TNR: variants seen among roughly 807,000 people sequenced by gnomAD.
TNR encodes tenascin-R.
Under a neutral mutation model 150.4 loss-of-function variants are expected in TNR, and 45 were observed. That is an observed-to-expected ratio of 0.30 (90% CI 0.24 to 0.38). The LOEUF is 0.38. Among genes scored for constraint, TNR ranks in the 10% least tolerant of loss-of-function variants. TNR has a pLI of 1.00. For missense variants in TNR, 1,544 were observed against 1,759.1 expected (o/e 0.88, Z 2.19); for synonymous variants, 687 against 678.4 (o/e 1.01, Z -0.20).
At chr1:175,647,144 C>A (rs1664832066) in intron 1 of TNR, among the ~76,000 whole-genome samples, 1 of 152,230 alleles carries the variant, frequency 6.6e-6, no homozygotes, top group South Asian at 2.1e-4. Context: ...TTACAGCATC[C>A]TCCAGAAAAA....
intron 4 of TNR, among the ~76,000 whole-genome samples, chr1:175,399,111 A>G (rs1653578446): frequency 6.6e-6 from 1 of 152,212 alleles, no homozygotes; most frequent in African/African-American, 2.4e-5. Context: ...AATAATTCAG[A>G]CGATCTTAAT....
chr1:175,374,734 G>A (rs539036543), intron 9 of TNR, among the ~76,000 whole-genome samples: 2 of 152,332 alleles, frequency 1.3e-5, no homozygotes, highest in East Asian at 3.9e-4. Context: ...GAGGCAGCAG[G>A]TTAGCAAATG....
intron 1 of TNR, among the ~76,000 whole-genome samples, chr1:175,719,738 C>G (rs1317890301): frequency 6.6e-6 from 1 of 152,178 alleles, no homozygotes; most frequent in Non-Finnish European, 1.5e-5. Flanking sequence ...AGCAGAGACC[C>G]CGCTGGGAGA....
At chr1:175,374,531 G>A (rs1571354057) in intron 9 of TNR, among the ~76,000 whole-genome samples, 2 of 152,250 alleles carry the variant, frequency 1.3e-5, no homozygotes, top group Middle Eastern at 3.4e-3. Flanking sequence ...AGAGTCTGTA[G>A]GTGTGTTTGT....
intron 1 of TNR, among the ~76,000 whole-genome samples, chr1:175,557,213 G>A (rs1661195354): frequency 1.3e-5 from 2 of 152,140 alleles, no homozygotes; most frequent in African/African-American, 2.4e-5. Context: ...CACAGTCCTG[G>A]TCAACATCTA....
At chr1:175,516,513 C>T (rs960292153) in intron 2 of TNR, among the ~76,000 whole-genome samples, 4 of 152,120 alleles carry the variant, frequency 2.6e-5, no homozygotes, top group South Asian at 2.1e-4. Flanking sequence ...GAGAAATGAC[C>T]GTGCTCATGA....
At chr1:175,736,015 C>T (rs76487445) in intron 1 of TNR, among the ~76,000 whole-genome samples, 78 of 152,286 alleles carry the variant, frequency 5.1e-4, no homozygotes, top group African/African-American at 1.9e-3. Flanking sequence ...AGGGCCAACC[C>T]AACCCATTAG....
At chr1:175,484,237 C>T (rs1657921327) in intron 2 of TNR, among the ~76,000 whole-genome samples, 1 of 152,160 alleles carries the variant, frequency 6.6e-6, no homozygotes, top group African/African-American at 2.4e-5. Context: ...CTCTCCATTC[C>T]AACCATCCGC....
chr1:175,440,375 T>TG (rs1655727481), intron 2 of TNR, among the ~76,000 whole-genome samples: 1 of 60,686 alleles, frequency 1.6e-5, no homozygotes, highest in African/African-American at 6.7e-5. Flanking sequence ...GGGACTGTTG[T>TG]GGGGTGGCGG....
chr1:175,538,939 G>C (rs1660394813), intron 1 of TNR: 1 of 152,278 alleles, frequency 6.6e-6, no homozygotes, highest in Non-Finnish European at 1.5e-5. Flanking sequence ...CCAAGTGGTG[G>C]ATTTTCAGGA....
intron 1 of TNR, among the ~76,000 whole-genome samples, chr1:175,675,180 T>G (rs1665822088): frequency 6.6e-6 from 1 of 152,252 alleles, no homozygotes; most frequent in Non-Finnish European, 1.5e-5. Flanking sequence ...CTTCTCACTC[T>G]GTCCCATTGT....
intron 2 of TNR, among the ~76,000 whole-genome samples, chr1:175,503,075 G>C (rs747964480): frequency 9.2e-5 from 14 of 151,386 alleles, no homozygotes; most frequent in African/African-American, 3.2e-4. Context: ...AAAATAGGAT[G>C]CCCCGCCGCA....
intron 1 of TNR, among the ~76,000 whole-genome samples, chr1:175,695,985 T>TATGGATGG (rs112381209): frequency 0.22 from 32,655 of 148,784 alleles, 4,347 homozygotes; most frequent in African/African-American, 0.39. Flanking sequence ...CAGATGGATA[T>TATGGATGG]ATGGATGGAT....
chr1:175,655,169 C>A (rs2101892486), intron 1 of TNR, among the ~76,000 whole-genome samples: 1 of 152,234 alleles, frequency 6.6e-6, no homozygotes, highest in East Asian at 1.9e-4. Context: ...GTGGCTTGTT[C>A]ACTGTTACAG....
intron 1 of TNR, among the ~76,000 whole-genome samples, chr1:175,592,917 C>A (rs1377325414): frequency 6.6e-6 from 1 of 152,192 alleles, no homozygotes; most frequent in African/African-American, 2.4e-5. Flanking sequence ...CAAGGGCAAA[C>A]TGGTTTTTCT....
chr1:175,698,611 C>T lies in TNR; in HGVS notation c.-165+44615G>A, dbSNP rs180726154. 4.2e-4 allele frequency among the ~76,000 whole-genome samples: 64 copies of T among 152,068 alleles called. 1 individual carries two copies. The highest frequency in any genetic ancestry group is 1.1e-3 in the Admixed American group (17 of 15,282). The stretch of plus-strand genomic sequence containing the variant: ...TCTCAGCACTTTGGGAGGCAAGAGG[C>T]GGGTGGATGGCCTGAGGTCAGGAGT... On this transcript the variant is annotated intron_variant, in intron 1 of 22. Transcript: ENST00000367674.
At chr1:175,705,124 C>A (rs1571771648) in intron 1 of TNR, among the ~76,000 whole-genome samples, 1 of 152,148 alleles carries the variant, frequency 6.6e-6, no homozygotes, top group South Asian at 2.1e-4. Flanking sequence ...CCCTTGCCTG[C>A]AGATATGACA....
chr1:175,356,207 C>G, intron 16 of TNR, 112 bp downstream of exon 16: 1 of 1,433,128 alleles, frequency 7.0e-7, no homozygotes, highest in South Asian at 1.3e-5. Flanking sequence ...AAGAACAGCT[C>G]ATAGCTGCCC....
At chr1:175,530,884 C>T (rs1344880613) in intron 1 of TNR, among the ~76,000 whole-genome samples, 1 of 152,116 alleles carries the variant, frequency 6.6e-6, no homozygotes, top group Non-Finnish European at 1.5e-5. Context: ...GATATGTGCA[C>T]TTATTTACTT....
Sources: allele counts gnomAD v4.1 joint callset (sites outside exome capture counted in the v4.1 genomes callset), GRCh38; gene constraint gnomAD v4.1.1; transcripts MANE v1.5; gene names NCBI Gene and HGNC (gene_info 2026-07-23, HGNC 2026-07-21).